Variants in NCOR1 observed in about 807,000 individuals in gnomAD.
NCOR1 encodes the protein protein phosphatase 1, regulatory subunit 109.
Under a neutral mutation model 288.1 loss-of-function variants are expected in NCOR1, and 63 were observed. The ratio of observed to expected loss-of-function variants is 0.22; its 90% CI spans 0.18 to 0.27. The LOEUF (loss-of-function observed/expected upper bound fraction) is 0.27, where lower values mean the gene tolerates loss of function less well. NCOR1 is among the 10% of genes least tolerant of loss of function. The probability of loss-of-function intolerance (pLI) is 1.00; values close to 1 mark genes in which losing one functional copy is unlikely to be tolerated. For synonymous variants in NCOR1, 1,007 were observed against 1,065.9 expected, an observed-to-expected ratio of 0.94 and a Z score of 1.08; for missense variants, 2,397 against 3,019.2, an observed-to-expected ratio of 0.79 and a Z score of 4.83.
rs578139631 is a variant in NCOR1 at position 16,038,654 on chromosome 17, T to C, written c.6955+779A>G. Among the ~76,000 whole-genome samples the C allele has an allele frequency of 3.9e-5, 6 of 152,242 alleles. No individual in the cohort carries two copies. In the South Asian group the frequency reaches 1.2e-3, roughly 32 times the overall value. ...GTTTTCATCATGTTGCCCAGGCTGG[T>C]CTCAAACTCCTGAGCTCAAGTGATC... On this transcript the variant is annotated intron_variant, in intron 44 of 45. Transcript: ENST00000268712.
At chr17:16,091,242 T>C (rs1488039940) in intron 22 of NCOR1, among the ~76,000 whole-genome samples, 1 of 152,252 alleles carries the variant, frequency 6.6e-6, no homozygotes, top group Non-Finnish European at 1.5e-5. Flanking sequence ...AATAACGTGC[T>C]ACATTATACA....
rs1279283685 is a variant in NCOR1, at chr17:16,072,198, C to T, written c.3842G>A (p.Ser1281Asn). The change falls in exon 29 of 46, where the codon AGT (serine) becomes AAT (asparagine). Residue 1281 changes from serine (S) to asparagine (N), a missense_variant. Around this residue, in one of 11 missense-constraint regions of NCOR1, gnomAD observed 1,872 missense variants for 2,187.8 expected, o/e 0.86. Coordinates refer to ENST00000268712, the MANE Select transcript of NCOR1 (RefSeq NM_006311.4). ...CCTTTCTTTGAGGTCAGAATGAGGA[C>T]TCCCCCTGGGTAATGCTCGGCATAT... ...GLICRALPRG[S>N]PHSDLKERTV... The T allele has an allele frequency of 6.2e-6, 10 of 1,612,694 alleles. No homozygotes were observed. The highest frequency in any genetic ancestry group is 3.3e-5 in the Admixed American group (2 of 59,886).
chr17:16,203,509 C>T (rs1414008654), intron 1 of NCOR1, among the ~76,000 whole-genome samples: 4 of 152,176 alleles, frequency 2.6e-5, no homozygotes, highest in Non-Finnish European at 4.4e-5. Context: ...TCAGAAGAGT[C>T]TTTCTAACCA....
chr17:16,210,883 T>A (rs1391726249), intron 1 of NCOR1, among the ~76,000 whole-genome samples: 1 of 152,022 alleles, frequency 6.6e-6, no homozygotes, highest in Non-Finnish European at 1.5e-5. Flanking sequence ...GTGCGTGCCA[T>A]CATGCCCGGC....
At chr17:16,108,497 GAACA>G (rs959242023) in intron 19 of NCOR1, among the ~76,000 whole-genome samples, 1 of 152,038 alleles carries the variant, frequency 6.6e-6, no homozygotes, top group Non-Finnish European at 1.5e-5. Flanking sequence ...TATACTAACT[GAACA>G]AATAAATGTG....
intron 31 of NCOR1, among the ~76,000 whole-genome samples, chr17:16,069,397 G>A (rs2061488317): frequency 1.3e-5 from 2 of 151,942 alleles, no homozygotes; most frequent in Non-Finnish European, 2.9e-5. Flanking sequence ...AAACACACTT[G>A]TACAGCTCAC....
chr17:16,086,210 G>A, intron 23 of NCOR1, 72 bp downstream of exon 23: 1 of 1,445,512 alleles, frequency 6.9e-7, no homozygotes, highest in Non-Finnish European at 9.6e-7. Context: ...ACAAATCAGT[G>A]CGAGGAGGGA....
At chr17:16,151,209 T>TA (rs143706694) in intron 8 of NCOR1, among the ~76,000 whole-genome samples, 54,975 of 148,754 alleles carry the variant, frequency 0.37, 12,332 homozygotes, top group Middle Eastern at 0.51. Flanking sequence ...AATTTTTTTT[T>TA]TAAAAAAAAG....
At chr17:16,102,750 T>C (rs528218681) in intron 19 of NCOR1, among the ~76,000 whole-genome samples, 6 of 152,212 alleles carry the variant, frequency 3.9e-5, no homozygotes, top group African/African-American at 1.4e-4. Context: ...CCTGGCACCA[T>C]GCCCGGCTAA....
In NCOR1 at chr17:16,032,307, T is replaced by C. The variant is rs1972167046; in HGVS notation, c.7312A>G (p.Ser2438Gly). The C allele has an allele frequency of 2.5e-6, 4 of 1,612,696 alleles. No individual in the cohort carries two copies. The highest frequency in any genetic ancestry group is 3.4e-6 in the Non-Finnish European group (4 of 1,179,508). The change falls in exon 46 of 46, where the codon AGT becomes GGT. Residue 2438 changes from serine (S) to glycine (G), a missense_variant. Coordinates refer to ENST00000268712, the MANE Select transcript of NCOR1 (RefSeq NM_006311.4). ...TCACTTTGTGCAGTTCAGTCATCACTATCCGACAGGGTCTCGTACTGTGCT... is the reference window on the plus strand; with the variant it reads ...TCACTTTGTGCAGTTCAGTCATCACCATCCGACAGGGTCTCGTACTGTGCT... ...LSAQYETLSD[S>G]DD
At chr17:16,212,435 T>C (rs1244103949) in intron 1 of NCOR1, among the ~76,000 whole-genome samples, 5 of 152,154 alleles carry the variant, frequency 3.3e-5, no homozygotes, top group Admixed American at 6.6e-5. Context: ...AATATATGAA[T>C]CTCTAATCTA....
chr17:16,184,216 A>G (rs2086125845), intron 3 of NCOR1, among the ~76,000 whole-genome samples: 1 of 152,206 alleles, frequency 6.6e-6, no homozygotes, highest in Non-Finnish European at 1.5e-5. Context: ...AAAAGCACAA[A>G]TATATAAATG....
At chr17:16,158,314 C>T (rs897115807) in intron 6 of NCOR1, among the ~76,000 whole-genome samples, 5 of 152,266 alleles carry the variant, frequency 3.3e-5, no homozygotes, top group Non-Finnish European at 7.4e-5. Context: ...GCCCAACTAT[C>T]GACTGTGAAC....
At chr17:16,093,779 T>C (rs1010479922) in intron 21 of NCOR1, among the ~76,000 whole-genome samples, 2 of 152,236 alleles carry the variant, frequency 1.3e-5, no homozygotes, top group African/African-American at 4.8e-5. Context: ...AATGAAAATA[T>C]TATTTCTTAT....
intron 2 of NCOR1, among the ~76,000 whole-genome samples, chr17:16,193,841 C>T (rs571540599): frequency 0.015 from 2,326 of 152,190 alleles, 72 homozygotes; most frequent in African/African-American, 0.053. Context: ...GTAGTACATT[C>T]TGATGACAAA....
chr17:16,049,623 C>T (rs1420094482), intron 40 of NCOR1, among the ~76,000 whole-genome samples: 2 of 151,594 alleles, frequency 1.3e-5, no homozygotes, highest in Non-Finnish European at 2.9e-5. Flanking sequence ...GCTTTGTCAC[C>T]CAGCCTGGAG....
At chr17:16,073,391 A>G (rs375947365) in intron 28 of NCOR1, 38 bp downstream of exon 28, 164 of 1,516,282 alleles carry the variant, frequency 1.1e-4, no homozygotes, top group Middle Eastern at 3.5e-4. Context: ...ATATAAAATA[A>G]CATGTATCAA....
In NCOR1 at chr17:16,101,552, C is replaced by G. The variant is rs767870954; in HGVS notation, c.2388G>C (p.Met796Ile). Residue 796 changes from methionine to isoleucine, a missense_variant, in exon 20 of 46, where the codon ATG (methionine) becomes ATC (isoleucine). Coordinates refer to ENST00000268712, the MANE Select transcript of NCOR1 (RefSeq NM_006311.4). Reference protein sequence around the residue: ...DSISAETAEQMDVDQQEHSAE... With the variant: ...DSISAETAEQIDVDQQEHSAE... ...CACTGTGCTCCTGCTGATCTACATC[C>G]ATCTGCTCTGCTGTCTCAGCACTGA... is the stretch of plus-strand genomic sequence containing the variant. 15 of 1,614,190 alleles carry G rather than the reference C, an allele frequency of 9.3e-6. No individual in the cohort carries two copies. The highest frequency in any genetic ancestry group is 1.2e-5 in the Non-Finnish European group (14 of 1,180,008).
chr17:16,104,296 T>C (rs1358631248), intron 19 of NCOR1, among the ~76,000 whole-genome samples: 1 of 152,186 alleles, frequency 6.6e-6, no homozygotes, highest in Non-Finnish European at 1.5e-5. Flanking sequence ...TATTTTTTAA[T>C]TGTATATAAT....
Sources: gnomAD v4.1 joint callset for allele counts (sites outside exome capture counted in the v4.1 genomes callset) on GRCh38, gnomAD v4.1.1 for gene constraint, gnomAD v4.1.1 regional missense constraint, MANE v1.5 for transcripts, NCBI Gene and HGNC (gene_info 2026-07-23, HGNC 2026-07-21) for gene names.